Variants in XYLT1 observed in about 807,000 individuals in gnomAD.
XYLT1 encodes beta-D-xylosyltransferase 1.
A neutral mutation model predicts 91.3 loss-of-function variants in XYLT1; 36 were observed. That is an observed-to-expected ratio of 0.39 (90% CI 0.30 to 0.52). The LOEUF (loss-of-function observed/expected upper bound fraction) is 0.52. Among genes scored for constraint, XYLT1 ranks in the 20% least tolerant of loss-of-function variants. XYLT1 has a pLI of 0.68. For missense variants in XYLT1, 1,242 were observed against 1,284.5 expected, an observed-to-expected ratio of 0.97 and a Z score of 0.51; for synonymous variants, 588 against 532.0, an observed-to-expected ratio of 1.11 and a Z score of -1.45.
intron 2 of XYLT1, among the ~76,000 whole-genome samples, chr16:17,265,399 T>C (rs1296664891): frequency 6.6e-6 from 1 of 152,200 alleles, no homozygotes; most frequent in Non-Finnish European, 1.5e-5. Flanking sequence ...ACTGGCATCA[T>C]CTTCTCTACT....
intron 2 of XYLT1, among the ~76,000 whole-genome samples, chr16:17,330,262 A>C (rs1035585076): frequency 2.0e-5 from 3 of 152,306 alleles, no homozygotes; most frequent in African/African-American, 4.8e-5. Flanking sequence ...CAAACAGCTG[A>C]TAAACTGGGT....
At chr16:17,249,475 T>C (rs4780706) in intron 3 of XYLT1, among the ~76,000 whole-genome samples, 2,768 of 152,270 alleles carry the variant, frequency 0.018, 96 homozygotes, top group Admixed American at 0.1. Flanking sequence ...TTCCCCACCA[T>C]CTAAACCAAT....
At chr16:17,414,181 T>C (rs2036151066) in intron 1 of XYLT1, among the ~76,000 whole-genome samples, 1 of 152,236 alleles carries the variant, frequency 6.6e-6, no homozygotes, top group Non-Finnish European at 1.5e-5. Context: ...TGAGTCACAC[T>C]AAACTTTCAA....
intron 2 of XYLT1, among the ~76,000 whole-genome samples, chr16:17,276,982 G>A (rs1009191304): frequency 2.6e-5 from 4 of 152,146 alleles, no homozygotes; most frequent in East Asian, 3.9e-4. Context: ...CATTTCATGC[G>A]AACTCCTACA....
At chr16:17,120,149 T>C (rs186231190) in intron 10 of XYLT1, among the ~76,000 whole-genome samples, 151 of 152,314 alleles carry the variant, frequency 9.9e-4, no homozygotes, top group Admixed American at 2.5e-3. Flanking sequence ...GTGCCTAGCA[T>C]AGTGCCCGGA....
At chr16:17,369,900 A>G (rs1230192955) in intron 1 of XYLT1, among the ~76,000 whole-genome samples, 1 of 152,160 alleles carries the variant, frequency 6.6e-6, no homozygotes, top group African/African-American at 2.4e-5. Flanking sequence ...CTCATCACCC[A>G]CGACAACAGA....
chr16:17,256,188 C>A (rs998528407), intron 3 of XYLT1, among the ~76,000 whole-genome samples: 2 of 152,190 alleles, frequency 1.3e-5, no homozygotes, highest in African/African-American at 4.8e-5. Flanking sequence ...TCTTTCTGTG[C>A]AATGAGTGTA....
intron 10 of XYLT1, among the ~76,000 whole-genome samples, chr16:17,121,533 A>G (rs569648110): frequency 6.6e-6 from 1 of 152,296 alleles, no homozygotes; most frequent in African/African-American, 2.4e-5. Flanking sequence ...CAACCAACCA[A>G]TGGCTTTCCA....
At chr16:17,375,991 T>C (rs913195296) in intron 1 of XYLT1, among the ~76,000 whole-genome samples, 1 of 152,270 alleles carries the variant, frequency 6.6e-6, no homozygotes, top group African/African-American at 2.4e-5. Context: ...GTGTGTTTGC[T>C]TGCGTCAGAG....
Position 17,108,745 on chromosome 16 carries a change from C to T in XYLT1, c.2830G>A (p.Asp944Asn). The T allele has an allele frequency of 6.2e-7, 1 of 1,604,058 alleles. No homozygotes were observed. Among genetic ancestry groups the T allele is most frequent in the Non-Finnish European group, 8.5e-7 (1 of 1,177,614 alleles). ...SQTAWSSFSP[D>N]PKSELGAVKP... ...ACTGCCCCCAGCTCCGACTTGGGGT[C>T]AGGGCTGAAGGAGCTCCAGGCCGTC... is the stretch of plus-strand genomic sequence containing the variant. The change falls in exon 12 of 12, where the codon GAC (aspartate) becomes AAC (asparagine). Residue 944 changes from aspartate (D) to asparagine (N), a missense_variant. By Grantham distance (23) the Asp-to-Asn change is conservative (BLOSUM62 1). Transcript: ENST00000261381.
intron 2 of XYLT1, among the ~76,000 whole-genome samples, chr16:17,325,166 G>A (rs2034780748): frequency 1.3e-5 from 2 of 152,204 alleles, no homozygotes; most frequent in African/African-American, 4.8e-5. Flanking sequence ...GGGAGGCTGA[G>A]GTGGGCAGAT....
intron 2 of XYLT1, among the ~76,000 whole-genome samples, chr16:17,343,913 A>G (rs7185284): frequency 0.015 from 2,305 of 152,268 alleles, 46 homozygotes; most frequent in African/African-American, 0.052. Context: ...TTAAAGCCCA[A>G]TGACATTTAC....
intron 1 of XYLT1, among the ~76,000 whole-genome samples, chr16:17,391,589 T>C (rs2035819987): frequency 6.6e-6 from 1 of 152,222 alleles, no homozygotes; most frequent in African/African-American, 2.4e-5. Flanking sequence ...ACTTCTGACC[T>C]TGACCACCAC....
chr16:17,283,205 G>A (rs944845279), intron 2 of XYLT1, among the ~76,000 whole-genome samples: 5 of 152,176 alleles, frequency 3.3e-5, no homozygotes, highest in African/African-American at 1.2e-4. Flanking sequence ...CAAGCCAACG[G>A]GAGCAGATGG....
At chr16:17,462,415 C>T (rs1349582546) in intron 1 of XYLT1, among the ~76,000 whole-genome samples, 1 of 152,208 alleles carries the variant, frequency 6.6e-6, no homozygotes, top group Non-Finnish European at 1.5e-5. Flanking sequence ...CACCCCACAC[C>T]CATCTTCTTT....
chr16:17,411,085 C>T (rs2141911472), intron 1 of XYLT1, among the ~76,000 whole-genome samples: 1 of 152,334 alleles, frequency 6.6e-6, no homozygotes, highest in Middle Eastern at 3.4e-3. Context: ...AACCCTGCTC[C>T]CCAGCCCTTA....
chr16:17,317,610 A>T (rs532919857), intron 2 of XYLT1, among the ~76,000 whole-genome samples: 2 of 117,464 alleles, frequency 1.7e-5, no homozygotes, highest in East Asian at 5.2e-4. Context: ...AGCCTGGGCC[A>T]CGGTGGGAGA....
chr16:17,214,860 C>G (rs1261680014), intron 3 of XYLT1, among the ~76,000 whole-genome samples: 1 of 152,226 alleles, frequency 6.6e-6, no homozygotes, highest in Non-Finnish European at 1.5e-5. Flanking sequence ...TATGCTCCTC[C>G]AATCACCCTT....
Position 17,294,730 on chromosome 16 carries a change from A to G in XYLT1, c.403-35232T>C, listed in dbSNP as rs74010580. Among the ~76,000 whole-genome samples, 399 of 152,262 alleles carry G rather than the reference A, an allele frequency of 2.6e-3. 1 individual carries two copies. Among genetic ancestry groups the G allele is most frequent in the African/African-American group, 8.7e-3 (361 of 41,546 alleles). On this transcript the variant is annotated intron_variant, in intron 2 of 11. Coordinates refer to ENST00000261381, the MANE Select transcript of XYLT1 (RefSeq NM_022166.4). ...TCTGCAAGGGTATCTTTCCCTTAGC[A>G]TCAGGAACAAAACTTACCCTCCAGC...
Sources: allele counts gnomAD v4.1 joint callset (sites outside exome capture counted in the v4.1 genomes callset), GRCh38; gene constraint gnomAD v4.1.1; transcripts MANE v1.5; gene names NCBI Gene and HGNC (gene_info 2026-07-23, HGNC 2026-07-21).